AUTS2: variants seen among roughly 807,000 people sequenced by gnomAD.
AUTS2 encodes the protein autism susceptibility gene 2 protein.
A neutral mutation model predicts 112.4 loss-of-function variants in AUTS2; 17 were observed. The ratio of observed to expected loss-of-function variants is 0.15; its 90% CI spans 0.10 to 0.23. The LOEUF (loss-of-function observed/expected upper bound fraction) is 0.23. Among genes scored for constraint, AUTS2 ranks in the 10% least tolerant of loss-of-function variants. AUTS2 has a pLI of 1.00. For missense variants in AUTS2, 1,510 were observed against 1,701.6 expected, an observed-to-expected ratio of 0.89 and a Z score of 1.98; for synonymous variants, 751 against 702.7, an observed-to-expected ratio of 1.07 and a Z score of -1.09.
At chr7:70,659,473 G>A (rs1466923497) in intron 5 of AUTS2, among the ~76,000 whole-genome samples, 6 of 152,122 alleles carry the variant, frequency 3.9e-5, no homozygotes, top group East Asian at 1.9e-4. Context: ...TAGGTTCCAC[G>A]GCTGTGTCAC....
chr7:70,636,606 G>A (rs1332646277), intron 5 of AUTS2, among the ~76,000 whole-genome samples: 1 of 151,862 alleles, frequency 6.6e-6, no homozygotes, highest in Non-Finnish European at 1.5e-5. Flanking sequence ...CATCTCCGTG[G>A]ATTTTGTGAG....
At chr7:69,747,686 T>TTCC (rs1787551621) in intron 1 of AUTS2, among the ~76,000 whole-genome samples, 1 of 152,018 alleles carries the variant, frequency 6.6e-6, no homozygotes, top group Non-Finnish European at 1.5e-5. Flanking sequence ...ATGAGCTGCT[T>TTCC]GGAGTACTGG....
At chr7:70,687,822 G>A (rs28672236) in intron 5 of AUTS2, among the ~76,000 whole-genome samples, 1,996 of 152,284 alleles carry the variant, frequency 0.013, 50 homozygotes, top group African/African-American at 0.044. Flanking sequence ...GCCACCTGAC[G>A]TTGATTAGCC....
chr7:69,666,487 TAAAAC>T (rs1023447979), intron 1 of AUTS2, among the ~76,000 whole-genome samples: 2 of 152,168 alleles, frequency 1.3e-5, no homozygotes, highest in Non-Finnish European at 2.9e-5. Context: ...ACTTCTAAAA[TAAAAC>T]AAACAGAAAA....
chr7:70,405,649 G>A (rs560202815), intron 4 of AUTS2, among the ~76,000 whole-genome samples: 1 of 152,296 alleles, frequency 6.6e-6, no homozygotes, highest in South Asian at 2.1e-4. Context: ...AAGGTAGAGT[G>A]AATTTCTTCA....
chr7:69,725,466 T>C (rs1786463537), intron 1 of AUTS2, among the ~76,000 whole-genome samples: 1 of 152,078 alleles, frequency 6.6e-6, no homozygotes, highest in African/African-American at 2.4e-5. Flanking sequence ...GGAATCTTCA[T>C]GAAGGAAGTG....
intron 1 of AUTS2, among the ~76,000 whole-genome samples, chr7:69,763,555 C>T (rs991512362): frequency 6.6e-6 from 1 of 152,174 alleles, no homozygotes; most frequent in Non-Finnish European, 1.5e-5. Flanking sequence ...CATCTTTCTC[C>T]ATTAGATTTC....
At chr7:70,632,675 G>A (rs1585409066) in intron 5 of AUTS2, among the ~76,000 whole-genome samples, 1 of 151,948 alleles carries the variant, frequency 6.6e-6, no homozygotes, top group Non-Finnish European at 1.5e-5. Context: ...AGTGCTCTCT[G>A]AATCTTATTG....
chr7:70,183,904 AT>A (rs1160472644), intron 4 of AUTS2, among the ~76,000 whole-genome samples: 3 of 150,452 alleles, frequency 2.0e-5, no homozygotes, highest in Admixed American at 6.6e-5. Flanking sequence ...CATGCCTGTA[AT>A]TTAGTTGCAC....
intron 6 of AUTS2, among the ~76,000 whole-genome samples, chr7:70,717,844 C>T (rs1240107575): frequency 6.6e-6 from 1 of 152,100 alleles, no homozygotes; most frequent in Non-Finnish European, 1.5e-5. Context: ...GTTTTTGAAC[C>T]TGAAATGCAA....
In AUTS2 at chr7:70,777,443, C is replaced by T. The variant is rs41272936; in HGVS notation, c.2004+269C>T. On this transcript the variant is annotated intron_variant, in intron 14 of 18. Coordinates refer to ENST00000342771, the MANE Select transcript of AUTS2 (RefSeq NM_015570.4). Reference sequence around the variant, plus strand: ...TCCTGGGCTCATGTGATCCTCCCACCTCAGTCTCCCAAGCAGCTGGGACTT... The same window carrying T: ...TCCTGGGCTCATGTGATCCTCCCACTTCAGTCTCCCAAGCAGCTGGGACTT... Among the ~76,000 whole-genome samples, 1,507 of 152,194 alleles carry T rather than the reference C, an allele frequency of 9.9e-3. 9 individuals are homozygous for T. The highest frequency in any genetic ancestry group is 0.014 in the Non-Finnish European group (970 of 68,022).
intron 4 of AUTS2, chr7:70,291,866 C>T (rs372144493): frequency 3.3e-5 from 5 of 152,056 alleles, no homozygotes; most frequent in East Asian, 3.9e-4. Context: ...AAATTTTGGT[C>T]CAGATGGAAA....
At position 69,791,502 on chromosome 7, in the gene AUTS2, G is replaced by A. The variant is rs992309357; in HGVS notation, c.310-107784G>A. On this transcript the variant is annotated intron_variant, in intron 1 of 18. Transcript: ENST00000342771. ...CCTCTTTGTGGAGTGCAGTCACGTC[G>A]TTTCATACATCTGCAAAATGGAAGG... 2.0e-5 allele frequency among the ~76,000 whole-genome samples: 3 copies of A among 152,170 alleles called. No individual in the cohort carries two copies. The East Asian group carries it at 5.8e-4, about 29-fold the overall frequency.
intron 5 of AUTS2, among the ~76,000 whole-genome samples, chr7:70,557,477 C>T (rs1194063316): frequency 3.3e-5 from 5 of 152,218 alleles, no homozygotes; most frequent in Admixed American, 3.3e-4. Context: ...TGTTATTGAG[C>T]ACATGCTTTG....
At chr7:70,324,374 G>GA (rs898259922) in intron 4 of AUTS2, among the ~76,000 whole-genome samples, 1 of 151,888 alleles carries the variant, frequency 6.6e-6, no homozygotes, top group Non-Finnish European at 1.5e-5. Flanking sequence ...TGTATTCATT[G>GA]AAAAAAAATT....
intron 5 of AUTS2, among the ~76,000 whole-genome samples, chr7:70,653,141 C>T (rs781242696): frequency 5.3e-5 from 8 of 152,124 alleles, no homozygotes; most frequent in Non-Finnish European, 1.2e-4. Flanking sequence ...TGCAGTCCTA[C>T]CTACTCAGGA....
chr7:70,071,571 GA>G (rs2129562784), intron 2 of AUTS2, among the ~76,000 whole-genome samples: 1 of 152,336 alleles, frequency 6.6e-6, no homozygotes, highest in East Asian at 1.9e-4. Flanking sequence ...CAGGTGACTT[GA>G]GGGTGGTTGG....
intron 4 of AUTS2, among the ~76,000 whole-genome samples, chr7:70,281,913 C>A (rs1323694534): frequency 1.3e-5 from 2 of 152,176 alleles, no homozygotes; most frequent in African/African-American, 4.8e-5. Flanking sequence ...CACCCCAACC[C>A]CCTGACCCAT....
intron 4 of AUTS2, among the ~76,000 whole-genome samples, chr7:70,173,814 C>T (rs1808838518): frequency 7.4e-4 from 3 of 4,074 alleles, no homozygotes; most frequent in South Asian, 0.022. Context: ...TTTGGAGTGA[C>T]ATAAACCTCG....
Sources: gnomAD v4.1 joint callset for allele counts (sites outside exome capture counted in the v4.1 genomes callset) on GRCh38, gnomAD v4.1.1 for gene constraint, MANE v1.5 for transcripts, NCBI Gene and HGNC (gene_info 2026-07-23, HGNC 2026-07-21) for gene names.